CLSTN2: variants seen among roughly 807,000 people sequenced by gnomAD.
CLSTN2 encodes the protein calsyntenin-2.
CLSTN2 carries 48 observed loss-of-function variants against 101.2 expected under a neutral mutation model. That is an observed-to-expected ratio of 0.47 (90% confidence interval 0.38 to 0.60). The LOEUF (loss-of-function observed/expected upper bound fraction) is 0.60, where lower values mean the gene tolerates loss of function less well. Ranked by LOEUF, CLSTN2 falls within the 20% of genes least tolerant of loss-of-function variation. CLSTN2 has a pLI of 0.00. For synonymous variants in CLSTN2, 481 were observed against 463.6 expected (o/e 1.04, Z -0.48); for missense variants, 1,160 against 1,238.2 (o/e 0.94, Z 0.95).
At chr3:140,207,128 C>A (rs1032747072) in intron 2 of CLSTN2, among the ~76,000 whole-genome samples, 1 of 152,168 alleles carries the variant, frequency 6.6e-6, no homozygotes, top group Non-Finnish European at 1.5e-5. Context: ...CAGAGCCAAC[C>A]TATCACATGT....
chr3:140,256,755 C>T (rs2086607423), intron 2 of CLSTN2, among the ~76,000 whole-genome samples: 1 of 152,176 alleles, frequency 6.6e-6, no homozygotes. Flanking sequence ...TGATTCGGTT[C>T]AACAGAAAGA....
intron 1 of CLSTN2, among the ~76,000 whole-genome samples, chr3:140,171,655 T>TAA (rs1463180133): frequency 1.4e-4 from 3 of 21,868 alleles, no homozygotes; most frequent in African/African-American, 3.8e-4. Flanking sequence ...TAATACGTAT[T>TAA]ATATATTATA....
intron 2 of CLSTN2, among the ~76,000 whole-genome samples, chr3:140,211,142 G>A (rs1187880625): frequency 1.3e-5 from 2 of 152,028 alleles, no homozygotes; most frequent in Non-Finnish European, 1.5e-5. Flanking sequence ...TGGCTGTCAG[G>A]AGAGTGGAGA....
At chr3:140,557,732 A>C (rs1476398990) in intron 11 of CLSTN2, among the ~76,000 whole-genome samples, 1 of 152,174 alleles carries the variant, frequency 6.6e-6, no homozygotes. Flanking sequence ...GATGGCTGTC[A>C]CCAGCTGAAC....
chr3:140,454,569 G>A (rs532047249), intron 6 of CLSTN2: 1 of 152,338 alleles, frequency 6.6e-6, no homozygotes, highest in East Asian at 1.9e-4. Context: ...TAGATTATCA[G>A]TCGGGGTAAG....
chr3:140,408,594 G>T (rs2088330547), intron 4 of CLSTN2, among the ~76,000 whole-genome samples: 1 of 152,220 alleles, frequency 6.6e-6, no homozygotes, highest in South Asian at 2.1e-4. Flanking sequence ...AGCCATAGGG[G>T]CCCCTCACAA....
intron 4 of CLSTN2, among the ~76,000 whole-genome samples, chr3:140,417,704 C>G (rs1186305559): frequency 6.6e-6 from 1 of 152,144 alleles, no homozygotes; most frequent in Non-Finnish European, 1.5e-5. Context: ...ATAGAAAAAT[C>G]ATTCAAATAT....
At chr3:140,143,147 G>A (rs1176038265) in intron 1 of CLSTN2, among the ~76,000 whole-genome samples, 1 of 152,182 alleles carries the variant, frequency 6.6e-6, no homozygotes, top group Non-Finnish European at 1.5e-5. Context: ...GATGGCAGCT[G>A]CTGTTATAAT....
intron 1 of CLSTN2, among the ~76,000 whole-genome samples, chr3:140,095,759 T>C (rs2008859072): frequency 6.6e-6 from 1 of 152,222 alleles, no homozygotes; most frequent in African/African-American, 2.4e-5. Flanking sequence ...ACCTGGGGTA[T>C]TGGGACCATG....
intron 2 of CLSTN2, among the ~76,000 whole-genome samples, chr3:140,377,802 A>G (rs2087932937): frequency 6.6e-6 from 1 of 152,200 alleles, no homozygotes; most frequent in Non-Finnish European, 1.5e-5. Flanking sequence ...CATTTAGTGT[A>G]GCCTAAATGT....
chr3:140,345,667 T>C (rs896258300), intron 2 of CLSTN2, among the ~76,000 whole-genome samples: 5 of 149,022 alleles, frequency 3.4e-5, no homozygotes, highest in Admixed American at 6.8e-5. Context: ...AGGCCGTGCA[T>C]GTGTGTAAAG....
intron 1 of CLSTN2, among the ~76,000 whole-genome samples, chr3:140,093,917 G>T (rs1421773292): frequency 6.6e-6 from 1 of 152,198 alleles, no homozygotes; most frequent in East Asian, 1.9e-4. Flanking sequence ...GTAGAGTCCA[G>T]ATATGGCAAG....
intron 1 of CLSTN2, among the ~76,000 whole-genome samples, chr3:139,939,641 G>A (rs1165584875): frequency 6.6e-6 from 1 of 152,206 alleles, no homozygotes; most frequent in Non-Finnish European, 1.5e-5. Context: ...CTCGCTTAGA[G>A]CAGTCACCTC....
chr3:140,353,148 T>A lies in CLSTN2; in HGVS notation c.233-50481T>A, dbSNP rs530152576. 1.4e-4 allele frequency among the ~76,000 whole-genome samples: 21 copies of A among 151,810 alleles called. No individual in the cohort carries two copies. The South Asian group carries it at 2.1e-3, about 15-fold the overall frequency. ...ATATGCAAATACTATGCTATTTTTATCAGTAACTTGAGCAACTGTGAATTT... is the reference window on the plus strand; with the variant it reads ...ATATGCAAATACTATGCTATTTTTAACAGTAACTTGAGCAACTGTGAATTT... On this transcript the variant is annotated intron_variant, in intron 2 of 16. Transcript: ENST00000458420.
chr3:140,248,023 T>G (rs1334608266), intron 2 of CLSTN2, among the ~76,000 whole-genome samples: 1 of 152,206 alleles, frequency 6.6e-6, no homozygotes, highest in African/African-American at 2.4e-5. Flanking sequence ...GTATGAGTAC[T>G]AGGTGGTTCC....
chr3:140,225,906 T>C (rs1041916784), intron 2 of CLSTN2, among the ~76,000 whole-genome samples: 4 of 148,938 alleles, frequency 2.7e-5, no homozygotes, highest in African/African-American at 7.7e-5. Flanking sequence ...TCTCCATAAG[T>C]TGATTTTTTT....
At chr3:140,082,008 G>A (rs748517220) in intron 1 of CLSTN2, among the ~76,000 whole-genome samples, 5 of 152,234 alleles carry the variant, frequency 3.3e-5, no homozygotes, top group African/African-American at 4.8e-5. Flanking sequence ...GTCAAGCAGG[G>A]CATTTCTCTC....
At chr3:140,315,884 G>A (rs1175588804) in intron 2 of CLSTN2, among the ~76,000 whole-genome samples, 1 of 152,200 alleles carries the variant, frequency 6.6e-6, no homozygotes, top group Non-Finnish European at 1.5e-5. Context: ...AGGATAAAAG[G>A]TGGAGCGTGT....
At chr3:140,258,094 G>A (rs1366460113) in intron 2 of CLSTN2, among the ~76,000 whole-genome samples, 2 of 151,626 alleles carry the variant, frequency 1.3e-5, no homozygotes, top group Non-Finnish European at 2.9e-5. Context: ...TAATGATTGA[G>A]CATTTTTCCT....
Sources: allele counts gnomAD v4.1 joint callset (sites outside exome capture counted in the v4.1 genomes callset), GRCh38; gene constraint gnomAD v4.1.1; transcripts MANE v1.5; gene names NCBI Gene and HGNC (gene_info 2026-07-23, HGNC 2026-07-21).